The following CTNS variants were observed in gnomAD, a reference collection of about 807,000 sequenced individuals.
CTNS encodes the protein cystinosin.
CTNS carries 27 observed loss-of-function variants against 43.7 expected under a neutral mutation model. The ratio of observed to expected loss-of-function variants is 0.62; its 90% confidence interval spans 0.46 to 0.85. The LOEUF is 0.85. Ranked by LOEUF, CTNS falls within the 40% of genes least tolerant of loss-of-function variation. The pLI is 0.00. For missense variants in CTNS, 457 were observed against 475.4 expected, an observed-to-expected ratio of 0.96 and a Z score of 0.36; for synonymous variants, 187 against 190.6, an observed-to-expected ratio of 0.98 and a Z score of 0.16.
chr17:3,655,420 G>C lies in CTNS; in HGVS notation c.461+68G>C, dbSNP rs2076105553. 4 of 1,603,738 alleles carry C rather than the reference G, an allele frequency of 2.5e-6. No individual in the cohort carries two copies. In the East Asian group the frequency reaches 8.9e-5, roughly 36 times the overall value. On this transcript the variant is annotated intron_variant, in intron 7 of 11. Coordinates refer to ENST00000046640, the MANE Select transcript of CTNS (RefSeq NM_004937.3). ...AGGAGCAGGGCGTTCCAGCAAGGCT[G>C]CCGATAGCGCAGCCTCCAACGTCCC... is the stretch of plus-strand genomic sequence containing the variant.
rs2076265538 is a variant in CTNS, at chr17:3,660,851, G to A, written c.*482G>A. Reference sequence around the variant, plus strand: ...GTGCTGGTGGACGGGCTAGGACTTTGGGGTTAGGCCATGGGGCTCTTTCTC... The same window carrying A: ...GTGCTGGTGGACGGGCTAGGACTTTAGGGTTAGGCCATGGGGCTCTTTCTC... On this transcript the variant is annotated 3_prime_UTR_variant, in exon 12 of 12. Transcript: ENST00000046640. The A allele has an allele frequency of 6.7e-7, 1 of 1,499,628 alleles. No homozygotes were observed. Among genetic ancestry groups the A allele is most frequent in the Admixed American group, 1.9e-5 (1 of 52,318 alleles). The allele number at this position is 1,499,628 out of a possible 1,614,324, so 92.9% of individuals were successfully genotyped here.
intron 3 of CTNS, among the ~76,000 whole-genome samples, chr17:3,644,526 G>A (rs922034769): frequency 1.3e-5 from 2 of 152,164 alleles, no homozygotes; most frequent in East Asian, 1.9e-4. Context: ...GAGCAGTGGC[G>A]CAATCTCAGC....
intron 5 of CTNS, among the ~76,000 whole-genome samples, chr17:3,652,451 G>A (rs1352535894): frequency 6.6e-6 from 1 of 152,048 alleles, no homozygotes; most frequent in African/African-American, 2.4e-5. Context: ...AATTAGCCAA[G>A]CGTGGTGGCA....
At chr17:3,660,069 C>T (rs1204585229) in intron 11 of CTNS, 94 bp downstream of exon 11, 1 of 1,437,478 alleles carries the variant, frequency 7.0e-7, no homozygotes, top group African/African-American at 1.4e-5. Flanking sequence ...TCCACCCCCA[C>T]CTGGGATCCA....
intron 5 of CTNS, among the ~76,000 whole-genome samples, chr17:3,653,872 A>C (rs1313903646): frequency 2.5e-5 from 1 of 39,932 alleles, no homozygotes; most frequent in Non-Finnish European, 1.5e-4. Context: ...GCAAAACTCC[A>C]TCTCGGGGGA....
rs1280217157 is a variant in CTNS at position 3,662,197 on chromosome 17, G to A, written c.*1828G>A. ...ATGGTGGCGGGCACCTGTAATCCCAGCTACTTGGTTGGCTGAGGCAGGAGA... is the reference window on the plus strand; with the variant it reads ...ATGGTGGCGGGCACCTGTAATCCCAACTACTTGGTTGGCTGAGGCAGGAGA... On this transcript the variant is annotated 3_prime_UTR_variant, in exon 12 of 12. Transcript: ENST00000046640. 6.6e-6 allele frequency among the ~76,000 whole-genome samples: 1 copy of A among 152,022 alleles called. No individual in the cohort carries two copies. Among genetic ancestry groups the A allele is most frequent in the East Asian group, 1.9e-4 (1 of 5,184 alleles).
chr17:3,658,044 C>G lies in CTNS; in HGVS notation c.721C>G (p.Leu241Val), dbSNP rs775072561. The stretch of plus-strand genomic sequence containing the variant: ...CGTGTCCTGGCCTGCCATCGGCTTC[C>G]TGGTGCTCGCGTGGCTCTTCGCATT... ...QRVSWPAIGF[L>V]VLAWLFAFVT... Residue 241 changes from leucine (L) to valine (V), a missense_variant, in exon 10 of 12, where the codon CTG (leucine) becomes GTG (valine). Leu to Val is a conservative substitution (Grantham distance 32). Coordinates refer to ENST00000046640, the MANE Select transcript of CTNS (RefSeq NM_004937.3). 1.3e-5 allele frequency: 21 copies of G among 1,611,616 alleles called. No individual in the cohort carries two copies. Among genetic ancestry groups the G allele is most frequent in the Non-Finnish European group, 1.7e-5 (20 of 1,179,984 alleles).
At chr17:3,656,952 C>G in intron 9 of CTNS, 157 bp downstream of exon 9, 1 of 1,165,744 alleles carries the variant, frequency 8.6e-7, no homozygotes. Flanking sequence ...TGAGTCCAGG[C>G]CCTCAGAGCC....
At position 3,647,619 on chromosome 17, in the gene CTNS, G is replaced by T. The variant is rs370296958; in HGVS notation, c.140+97G>T. On this transcript the variant is annotated intron_variant, in intron 4 of 11. Coordinates refer to ENST00000046640, the MANE Select transcript of CTNS (RefSeq NM_004937.3). Reference sequence around the variant, plus strand: ...CTCAGTCTGTTCAGATTTCAGATGCGCTATTCTTGCCTCTTACCTGTAAGA... The same window carrying T: ...CTCAGTCTGTTCAGATTTCAGATGCTCTATTCTTGCCTCTTACCTGTAAGA... 4.8e-4 allele frequency: 504 copies of T among 1,059,840 alleles called. 6 individuals are homozygous for T. Among genetic ancestry groups the T allele is most frequent in the South Asian group, 3.6e-3 (283 of 78,164 alleles). The allele number at this position is 1,059,840 out of a possible 1,614,324, so 65.7% of individuals were successfully genotyped here. A position where few individuals can be genotyped will look rare whatever the true frequency, so the allele number is the denominator to read the frequency against.
intron 3 of CTNS, among the ~76,000 whole-genome samples, chr17:3,641,701 A>C (rs2075712840): frequency 6.6e-6 from 1 of 151,850 alleles, no homozygotes; most frequent in Non-Finnish European, 1.5e-5. Context: ...CAGATACCTT[A>C]AATTCCCATT....
intron 10 of CTNS, among the ~76,000 whole-genome samples, chr17:3,658,794 C>G (rs2076215570): frequency 6.6e-6 from 1 of 152,216 alleles, no homozygotes; most frequent in Non-Finnish European, 1.5e-5. Context: ...GGAGGCAGGA[C>G]TGGACTCTTA....
intron 10 of CTNS, among the ~76,000 whole-genome samples, chr17:3,658,675 A>AGGGCCTC (rs2076213076): frequency 6.6e-6 from 1 of 152,228 alleles, no homozygotes; most frequent in African/African-American, 2.4e-5. Flanking sequence ...CCGGGGACCT[A>AGGGCCTC]GGGCCTCATT....
chr17:3,640,001 G>A, intron 2 of CTNS, 187 bp from the exon 3 acceptor site: 1 of 572,042 alleles, frequency 1.7e-6, no homozygotes, highest in Non-Finnish European at 3.2e-6. Flanking sequence ...CGTTTCCCCT[G>A]TATATCAAAG....
chr17:3,654,832 T>G (rs112122674), intron 5 of CTNS, among the ~76,000 whole-genome samples, 166 bp from the exon 6 acceptor site: 8 of 152,136 alleles, frequency 5.3e-5, no homozygotes, highest in African/African-American at 1.9e-4. Flanking sequence ...GAGGTTCAAG[T>G]TGGCTGGTGG....
chr17:3,641,485 G>A (rs369558), intron 3 of CTNS, among the ~76,000 whole-genome samples: 61,969 of 143,018 alleles, frequency 0.43, 13,975 homozygotes, highest in Non-Finnish European at 0.5. Flanking sequence ...TCCACCTCCC[G>A]GGTTCAAGCA....
chr17:3,652,564 C>T (rs1040845983), intron 5 of CTNS, among the ~76,000 whole-genome samples: 3 of 152,148 alleles, frequency 2.0e-5, no homozygotes, highest in East Asian at 1.9e-4. Context: ...TGCACTCCAG[C>T]CTGGGTGACA....
At position 3,661,720 on chromosome 17, in the gene CTNS, G is replaced by A. The variant is rs1330283992; in HGVS notation, c.*1351G>A. On this transcript the variant is annotated 3_prime_UTR_variant, in exon 12 of 12. Coordinates refer to ENST00000046640, the MANE Select transcript of CTNS (RefSeq NM_004937.3). ...AGCGCGAGACGCCTACCCGCCCAGG[G>A]CCAGGTCAGTCTCCCAGGCTCCGTG... Among the ~76,000 whole-genome samples, 1 of 152,214 alleles carries A rather than the reference G, an allele frequency of 6.6e-6. No individual in the cohort carries two copies. Among genetic ancestry groups the A allele is most frequent in the Non-Finnish European group, 1.5e-5 (1 of 68,038 alleles).
At chr17:3,656,621 TGGCGTGGTG>T in intron 8 of CTNS, 35 bp downstream of exon 8, 2 of 1,612,316 alleles carry the variant, frequency 1.2e-6, no homozygotes, top group Non-Finnish European at 1.7e-6. Flanking sequence ...TCTGCCCACA[TGGCGTGGTG>T]GCCCGGCTGC....
intron 5 of CTNS, among the ~76,000 whole-genome samples, chr17:3,652,277 A>C (rs2076005913): frequency 6.6e-6 from 1 of 152,150 alleles, no homozygotes; most frequent in African/African-American, 2.4e-5. Context: ...TGTGAAGATT[A>C]AAAGCACAAA....
Sources: gnomAD v4.1 joint callset for allele counts (sites outside exome capture counted in the v4.1 genomes callset) on GRCh38, gnomAD v4.1.1 for gene constraint, MANE v1.5 for transcripts, NCBI Gene and HGNC (gene_info 2026-07-23, HGNC 2026-07-21) for gene names.